The following NFIX variants were observed in gnomAD, a reference collection of about 807,000 sequenced individuals.
NFIX encodes nuclear factor 1 X-type.
A neutral mutation model predicts 53.3 loss-of-function variants in NFIX; 2 were observed. That is an observed-to-expected ratio of 0.04 (90% CI 0.02 to 0.12). NFIX has a LOEUF of 0.12. Among genes scored for constraint, NFIX ranks in the 10% least tolerant of loss-of-function variants. The pLI is 1.00. For synonymous variants in NFIX, 244 were observed against 289.0 expected (o/e 0.84, Z 1.58); for missense variants, 310 against 674.5 (o/e 0.46, Z 5.99).
chr19:13,025,646 G>T lies in NFIX; in HGVS notation c.559+94G>T. The T allele has an allele frequency of 7.0e-7, 1 of 1,428,240 alleles. No homozygotes were observed. The highest frequency in any genetic ancestry group is 9.5e-7 in the Non-Finnish European group (1 of 1,055,092). The allele number at this position is 1,428,240 out of a possible 1,614,324, so 88.5% of individuals were successfully genotyped here. ...TCCTCTAATTTCCAAGCGATAACTC[G>T]CCATGGGCCTAACTGGTGTATGCCC... is the stretch of plus-strand genomic sequence containing the variant. On this transcript the variant is annotated intron_variant, in intron 2 of 10. Transcript: ENST00000592199. The surrounding 1 kb of genome is among the most constrained non-coding windows in gnomAD (Gnocchi z 7.5).
chr19:13,083,938 C>T (rs2017624099), intron 8 of NFIX, among the ~76,000 whole-genome samples: 1 of 152,256 alleles, frequency 6.6e-6, no homozygotes. Flanking sequence ...TTAAGCAGTG[C>T]TTCTCAGACT....
chr19:13,005,183 TC>T lies in NFIX; in HGVS notation c.27+9323del, dbSNP rs1241250148. Among the ~76,000 whole-genome samples the T allele has an allele frequency of 6.6e-6, 1 of 152,140 alleles. No homozygotes were observed. Among genetic ancestry groups the T allele is most frequent in the Non-Finnish European group, 1.5e-5 (1 of 68,014 alleles). On this transcript the variant is annotated intron_variant, in intron 1 of 10. Coordinates refer to ENST00000592199, the MANE Select transcript of NFIX (RefSeq NM_001365902.3). This position sits in a 1 kb window ranked among gnomAD's most constrained non-coding sequence, Gnocchi z 4.7. ...TCTCACTAATCCTTTGGCCTTTGAC[TC>T]CCCAGTTCTGACCCCAGAGAAAGAA...
intron 1 of NFIX, chr19:13,023,999 C>A: frequency 7.8e-7 from 1 of 1,282,688 alleles, no homozygotes; most frequent in Non-Finnish European, 1.0e-6. Context: ...ATCTCAGAAT[C>A]GGGCGTTGGG....
At chr19:13,083,163 A>G (rs950181124) in intron 8 of NFIX, among the ~76,000 whole-genome samples, 3 of 152,024 alleles carry the variant, frequency 2.0e-5, no homozygotes, top group African/African-American at 7.2e-5. Context: ...AGCTCTGTCC[A>G]CTTTTAGGGC....
chr19:13,026,610 G>A lies in NFIX; in HGVS notation c.559+1058G>A, dbSNP rs187479937. 3.9e-5 allele frequency among the ~76,000 whole-genome samples: 6 copies of A among 152,084 alleles called. No homozygotes were observed. The East Asian group carries it at 7.7e-4, about 20-fold the overall frequency. On this transcript the variant is annotated intron_variant, in intron 2 of 10. Transcript: ENST00000592199. ...TAATTTTTAGCCTCCACTCAGCTAC[G>A]CCCAATTTACTGCCGCCTTTGAAAC... is the stretch of plus-strand genomic sequence containing the variant.
rs1386754223 is a variant in NFIX, at chr19:13,088,798, G to A, written c.1402+662G>A. On this transcript the variant is annotated intron_variant, in intron 9 of 10. Transcript: ENST00000592199. This position sits in a 1 kb window ranked among gnomAD's most constrained non-coding sequence, Gnocchi z 5.9. The stretch of plus-strand genomic sequence containing the variant: ...GATGTTCCAAGGACGAGGGAGGGCT[G>A]TGGGCTTTGGCTTACTTCATCTCTC... Among the ~76,000 whole-genome samples, 12 of 152,022 alleles carry A rather than the reference G, an allele frequency of 7.9e-5. No individual in the cohort carries two copies. The highest frequency in any genetic ancestry group is 2.9e-4 in the African/African-American group (12 of 41,364).
At chr19:13,076,182 T>A (rs971683041) in intron 6 of NFIX, among the ~76,000 whole-genome samples, 1 of 152,072 alleles carries the variant, frequency 6.6e-6, no homozygotes, top group Non-Finnish European at 1.5e-5. Context: ...CGTTCCCTAG[T>A]GGGATGGAAT....
chr19:13,055,026 CGTGAT>C (rs2015563862), intron 2 of NFIX, among the ~76,000 whole-genome samples: 1 of 152,092 alleles, frequency 6.6e-6, no homozygotes, highest in Non-Finnish European at 1.5e-5. Flanking sequence ...TTTCTGGCCT[CGTGAT>C]GGGTGGGGCC....
intron 2 of NFIX, chr19:13,069,726 C>A (rs1345783168): frequency 6.6e-6 from 1 of 152,322 alleles, no homozygotes; most frequent in African/African-American, 2.4e-5. Context: ...AGGTCCCCTC[C>A]TGTGGTGTTG....
Position 13,055,740 on chromosome 19 carries a change from C to T in NFIX, c.560-17307C>T, listed in dbSNP as rs529023025. Among the ~76,000 whole-genome samples the T allele has an allele frequency of 2.1e-3, 322 of 152,266 alleles. 2 individuals are homozygous for T. The highest frequency in any genetic ancestry group is 6.0e-3 in the Admixed American group (92 of 15,302). ...GTCGCGTGAGGCCAGCCCTCAGGCT[C>T]GGCTGGCCCCAGGTTCCCCAGCCTC... is the stretch of plus-strand genomic sequence containing the variant. On this transcript the variant is annotated intron_variant, in intron 2 of 10. Coordinates refer to ENST00000592199, the MANE Select transcript of NFIX (RefSeq NM_001365902.3).
At chr19:13,054,410 G>A (rs1428179590) in intron 2 of NFIX, among the ~76,000 whole-genome samples, 18 of 152,178 alleles carry the variant, frequency 1.2e-4, no homozygotes, top group Non-Finnish European at 1.5e-5. Context: ...TGTAACTCGA[G>A]CTCCCCATTT....
chr19:13,025,368 G>A lies in NFIX; in HGVS notation c.375G>A (p.Lys125=), dbSNP rs2013252903. ...RRIDCLRQAD[K]VWRLDLVMVI... ...TTGACTGCCTGCGCCAGGCTGACAA[G>A]GTGTGGCGGCTGGACCTGGTCATGG... The change falls in exon 2 of 11, where the codon AAG becomes AAA. Residue 125 remains lysine, a synonymous_variant. Coordinates refer to ENST00000592199, the MANE Select transcript of NFIX (RefSeq NM_001365902.3). This position sits in a 1 kb window ranked among gnomAD's most constrained non-coding sequence, Gnocchi z 7.5. The A allele has an allele frequency of 6.2e-7, 1 of 1,613,972 alleles. No homozygotes were observed. Among genetic ancestry groups the A allele is most frequent in the Non-Finnish European group, 8.5e-7 (1 of 1,179,942 alleles).
intron 2 of NFIX, among the ~76,000 whole-genome samples, chr19:13,057,094 A>T (rs1268273747): frequency 6.6e-6 from 1 of 152,234 alleles, no homozygotes; most frequent in Non-Finnish European, 1.5e-5. Context: ...GTGCTTAGAG[A>T]GTCTCAGGGC....
intron 7 of NFIX, among the ~76,000 whole-genome samples, chr19:13,080,739 G>C (rs1200617036): frequency 6.6e-6 from 1 of 152,048 alleles, no homozygotes; most frequent in Non-Finnish European, 1.5e-5. Flanking sequence ...GGTGTCTCAC[G>C]CCTGTAATCC....
rs1043803200 is a variant in NFIX, at chr19:13,022,462, G to A, written c.28-2559G>A. Among the ~76,000 whole-genome samples the A allele has an allele frequency of 6.6e-6, 1 of 152,100 alleles. No homozygotes were observed. The highest frequency in any genetic ancestry group is 1.9e-4 in the East Asian group (1 of 5,182). ...GCAGTACCCTGGGCACCAGATCCCT[G>A]CCCTGGAAGTACTGCTGGCATGGAC... On this transcript the variant is annotated intron_variant, in intron 1 of 10. Transcript: ENST00000592199. The surrounding 1 kb of genome is among the most constrained non-coding windows in gnomAD (Gnocchi z 4.5).
intron 1 of NFIX, among the ~76,000 whole-genome samples, chr19:13,010,218 A>T (rs963198958): frequency 6.6e-6 from 1 of 152,068 alleles, no homozygotes; most frequent in African/African-American, 2.4e-5. Flanking sequence ...GCCCTGCCCC[A>T]TGGCCCGCTC....
rs1185386865 is a variant in NFIX at position 13,052,707 on chromosome 19, C to T, written c.560-20340C>T. On this transcript the variant is annotated intron_variant, in intron 2 of 10. Transcript: ENST00000592199. The surrounding 1 kb of genome is among the most constrained non-coding windows in gnomAD (Gnocchi z 5.2). ...CCGATTCCATATACTGTGCTCATCT[C>T]GACCCAGTTGAGGCTGTGCTTCTGT... 6.6e-6 allele frequency among the ~76,000 whole-genome samples: 1 copy of T among 152,120 alleles called. No individual in the cohort carries two copies. The highest frequency in any genetic ancestry group is 1.5e-5 in the Non-Finnish European group (1 of 68,032).
At chr19:13,031,248 G>C (rs925193994) in intron 2 of NFIX, among the ~76,000 whole-genome samples, 7 of 152,172 alleles carry the variant, frequency 4.6e-5, no homozygotes, top group African/African-American at 1.7e-4. Flanking sequence ...GGCTGAATTG[G>C]AGGCTATGAC....
intron 2 of NFIX, among the ~76,000 whole-genome samples, chr19:13,030,309 A>G (rs1035659936): frequency 2.6e-5 from 4 of 152,186 alleles, no homozygotes; most frequent in Non-Finnish European, 5.9e-5. Context: ...CCATTCTTCC[A>G]TGTCTAGCTT....
Sources: allele counts gnomAD v4.1 joint callset (sites outside exome capture counted in the v4.1 genomes callset), GRCh38; gene constraint gnomAD v4.1.1; non-coding constraint Gnocchi (gnomAD v3.1); transcripts MANE v1.5; gene names NCBI Gene and HGNC (gene_info 2026-07-23, HGNC 2026-07-21).